The following NEURL3 variants were observed in gnomAD, a reference collection of about 807,000 sequenced individuals.
NEURL3 encodes the protein neuralized E3 ubiquitin protein ligase 3, also known as E3 ubiquitin-protein ligase NEURL3.
Under a neutral mutation model 17.6 loss-of-function variants are expected in NEURL3, and 19 were observed. The ratio of observed to expected loss-of-function variants is 1.08; its 90% CI spans 0.75 to 1.58. NEURL3 has a LOEUF of 1.58. Among genes scored for constraint, NEURL3 ranks in the 40% most tolerant of loss-of-function variants. NEURL3 has a pLI of 0.00. For missense variants in NEURL3, 342 were observed against 379.6 expected, an observed-to-expected ratio of 0.90 and a Z score of 0.82; for synonymous variants, 180 against 161.4, an observed-to-expected ratio of 1.11 and a Z score of -0.87.
At chr2:96,500,951 G>A in intron 1 of NEURL3, 27 bp from the exon 2 acceptor site, 2 of 1,529,532 alleles carry the variant, frequency 1.3e-6, no homozygotes, top group South Asian at 2.5e-5. Context: ...GGGAGTGTCA[G>A]TGCTAACCGG....
At chr2:96,505,855 G>C (rs1192471217), upstream of NEURL3, among the ~76,000 whole-genome samples, 1 of 152,234 alleles carries the variant, frequency 6.6e-6, no homozygotes, top group East Asian at 1.9e-4. Context: ...ACCTCCAACA[G>C]AAAGGAGGGG....
chr2:96,501,469 T>C (rs1288208104), intron 1 of NEURL3, among the ~76,000 whole-genome samples: 1 of 152,024 alleles, frequency 6.6e-6, no homozygotes, highest in Non-Finnish European at 1.5e-5. Context: ...GTCTCTCTTG[T>C]TTTCCCATGG....
In NEURL3 at chr2:96,501,837, G is replaced by A. The variant is rs191150463; in HGVS notation, c.29-913C>T. 8.5e-5 allele frequency among the ~76,000 whole-genome samples: 13 copies of A among 152,266 alleles called. No individual in the cohort carries two copies. In the East Asian group the frequency reaches 1.2e-3, roughly 14 times the overall value. The stretch of plus-strand genomic sequence containing the variant: ...CTTTCTGGGCTGGGGGAGGGAGGCT[G>A]GCTGGCTGTTTGCTGTTGAAAATAA... On this transcript the variant is annotated intron_variant, in intron 1 of 3. Coordinates refer to ENST00000451794, the MANE Select transcript of NEURL3 (RefSeq NM_001285485.2).
rs1157285400 is a variant in NEURL3 at position 96,504,877 on chromosome 2, C to CAAAAAAAAAAAAA, written c.28+369_28+381dup. 6.2e-4 allele frequency among the ~76,000 whole-genome samples: 34 copies of CAAAAAAAAAAAAA among 55,276 alleles called. 2 individuals carry two copies. The highest frequency in any genetic ancestry group is 1.5e-3 in the East Asian group (2 of 1,294). The allele number at this position is 55,276 out of a possible 152,430, so 36.3% of individuals were successfully genotyped here. A position where few individuals can be genotyped will look rare whatever the true frequency, so the allele number is the denominator to read the frequency against. On this transcript the variant is annotated intron_variant, in intron 1 of 3. Coordinates refer to ENST00000451794, the MANE Select transcript of NEURL3 (RefSeq NM_001285485.2). ...TGGGCAACAGAGCGAGACTCCGTCT[C>CAAAAAAAAAAAAA]AAAAAAAAAAAAAAAAAAAAAAAGA...
chr2:96,504,953 T>G (rs2065548538), intron 1 of NEURL3, among the ~76,000 whole-genome samples: 1 of 151,256 alleles, frequency 6.6e-6, no homozygotes, highest in South Asian at 2.1e-4. Flanking sequence ...GGGACACCTG[T>G]GGCCTCAGGT....
At chr2:96,499,276 T>C in intron 3 of NEURL3, 102 bp downstream of exon 3, 3 of 1,527,310 alleles carry the variant, frequency 2.0e-6, no homozygotes, top group East Asian at 4.6e-5. Context: ...GCCCAAAGCC[T>C]GTGAGAGACT....
chr2:96,506,258 T>C (rs2065560003), upstream of NEURL3, among the ~76,000 whole-genome samples: 1 of 151,822 alleles, frequency 6.6e-6, no homozygotes, highest in Non-Finnish European at 1.5e-5. Flanking sequence ...CAGGCTAGAG[T>C]GCAGTGGTGT....
Position 96,500,694 on chromosome 2 carries a change from A to G in NEURL3, c.259T>C (p.Cys87Arg). 1 of 1,518,322 alleles carries G rather than the reference A, an allele frequency of 6.6e-7. No individual in the cohort carries two copies. Among genetic ancestry groups the G allele is most frequent in the Non-Finnish European group, 8.8e-7 (1 of 1,140,386 alleles). The allele number at this position is 1,518,322 out of a possible 1,614,324, so 94.1% of individuals were successfully genotyped here. A position where few individuals can be genotyped will look rare whatever the true frequency, so the allele number is the denominator to read the frequency against. ...RVGFTRLDPA[C>R]VSVPSLPPFL... ...GGCGGCAGGCTGGGCACGGACACGCACGCGGGGTCCAGGCGCGTGAAGCCC... is the reference window on the plus strand; with the variant it reads ...GGCGGCAGGCTGGGCACGGACACGCGCGCGGGGTCCAGGCGCGTGAAGCCC... The change falls in exon 2 of 4, where the codon TGC (cysteine) becomes CGC (arginine). Residue 87 changes from cysteine to arginine, a missense_variant. By Grantham distance (180) the Cys-to-Arg change is radical. Coordinates refer to ENST00000451794, the MANE Select transcript of NEURL3 (RefSeq NM_001285485.2).
At chr2:96,502,991 G>A (rs1050700783) in intron 1 of NEURL3, among the ~76,000 whole-genome samples, 3 of 152,226 alleles carry the variant, frequency 2.0e-5, no homozygotes, top group Non-Finnish European at 2.9e-5. Context: ...GGGCCTAGAC[G>A]GGAACCAGCA....
chr2:96,502,416 C>T (rs1430104980), intron 1 of NEURL3, among the ~76,000 whole-genome samples: 1 of 152,212 alleles, frequency 6.6e-6, no homozygotes, highest in Non-Finnish European at 1.5e-5. Context: ...CCATGGCTAA[C>T]ACCCCCATTC....
In NEURL3 at chr2:96,498,605, G is replaced by A. The variant is rs1205306768; in HGVS notation, c.587-159C>T. 6.6e-6 allele frequency: 2 copies of A among 304,952 alleles called. No homozygotes were observed. Among genetic ancestry groups the A allele is most frequent in the Non-Finnish European group, 9.6e-6 (2 of 208,266 alleles). The allele number at this position is 304,952 out of a possible 1,614,324, so 18.9% of individuals were successfully genotyped here. A position where few individuals can be genotyped will look rare whatever the true frequency, so the allele number is the denominator to read the frequency against. On this transcript the variant is annotated intron_variant, in intron 3 of 3. Transcript: ENST00000451794. The surrounding 1 kb of genome is among the most constrained non-coding windows in gnomAD (Gnocchi z 4.4). ...ACAGTGTAATCAAGTGAAAAAAAGGGGGAAGAAAACCATTTTTTATATACA... is the reference window on the plus strand; with the variant it reads ...ACAGTGTAATCAAGTGAAAAAAAGGAGGAAGAAAACCATTTTTTATATACA...
At chr2:96,506,359 C>A (rs1167315016), upstream of NEURL3, among the ~76,000 whole-genome samples, 1 of 152,222 alleles carries the variant, frequency 6.6e-6, no homozygotes, top group African/African-American at 2.4e-5. Context: ...GTGCATTCCA[C>A]CATGCTCAGC....
At chr2:96,504,125 C>G (rs1255047666) in intron 1 of NEURL3, among the ~76,000 whole-genome samples, 1 of 152,126 alleles carries the variant, frequency 6.6e-6, no homozygotes, top group African/African-American at 2.4e-5. Context: ...TCCAGATTCT[C>G]TAAGATCTTG....
Position 96,500,568 on chromosome 2 carries a change from G to A in NEURL3, c.385C>T (p.Arg129Cys), listed in dbSNP as rs372047402. Residue 129 changes from arginine to cysteine, a missense_variant, in exon 2 of 4, where the codon CGC becomes TGC. Arg to Cys is a radical substitution (Grantham distance 180). Transcript: ENST00000451794. ...TGDLVRFWVDRRGCLFAKVNA... is the reference protein window; with the variant it reads ...TGDLVRFWVDCRGCLFAKVNA... ...ACCTTGGCGAAGAGGCAGCCGCGGC[G>A]GTCCACCCAGAAGCGGACCAAGTCC... 1.1e-5 allele frequency: 17 copies of A among 1,547,692 alleles called. No individual in the cohort carries two copies. The highest frequency in any genetic ancestry group is 1.5e-5 in the Non-Finnish European group (17 of 1,154,856).
At chr2:96,502,718 G>T (rs1322486727) in intron 1 of NEURL3, among the ~76,000 whole-genome samples, 3 of 152,268 alleles carry the variant, frequency 2.0e-5, no homozygotes, top group Admixed American at 6.5e-5. Flanking sequence ...GGCTTGGCAA[G>T]AGGCTGGAGC....
intron 1 of NEURL3, among the ~76,000 whole-genome samples, chr2:96,504,026 C>T (rs2065536874): frequency 6.6e-6 from 1 of 152,226 alleles, no homozygotes; most frequent in South Asian, 2.1e-4. Context: ...TCCACCTGCC[C>T]CGGGGTCCCC....
chr2:96,499,243 A>G, intron 3 of NEURL3, 135 bp downstream of exon 3: 1 of 1,438,844 alleles, frequency 7.0e-7, no homozygotes, highest in Non-Finnish European at 9.1e-7. Context: ...TTAGGTTTCC[A>G]GTAGGCAGAG....
chr2:96,506,580 C>T (rs1303498643), upstream of NEURL3, among the ~76,000 whole-genome samples: 1 of 152,242 alleles, frequency 6.6e-6, no homozygotes, highest in East Asian at 1.9e-4. Context: ...AACCTGTGGG[C>T]TAAGCCCCTC....
At chr2:96,505,547 T>A (rs2065554080), upstream of NEURL3, among the ~76,000 whole-genome samples, 1 of 152,190 alleles carries the variant, frequency 6.6e-6, no homozygotes, top group Non-Finnish European at 1.5e-5. Flanking sequence ...CTGGCCTGGG[T>A]AGGTCTTACG....
Sources: allele counts gnomAD v4.1 joint callset (sites outside exome capture counted in the v4.1 genomes callset), GRCh38; gene constraint gnomAD v4.1.1; non-coding constraint Gnocchi (gnomAD v3.1); transcripts MANE v1.5; gene names NCBI Gene and HGNC (gene_info 2026-07-23, HGNC 2026-07-21).